The following FHIT variants were observed in gnomAD, a reference collection of about 807,000 sequenced individuals.
FHIT encodes the protein fragile histidine triad diadenosine triphosphatase.
Under a neutral mutation model 17.9 loss-of-function variants are expected in FHIT, and 19 were observed. The observed-to-expected ratio is 1.06, with a 90% CI of 0.74 to 1.56. The LOEUF (loss-of-function observed/expected upper bound fraction) is 1.56, where lower values mean the gene tolerates loss of function less well. Ranked by LOEUF, FHIT falls within the 40% of genes most tolerant of loss-of-function variation. The pLI is 0.00. For missense variants in FHIT, 248 were observed against 189.2 expected, an observed-to-expected ratio of 1.31 and a Z score of -1.82; for synonymous variants, 81 against 69.7, an observed-to-expected ratio of 1.16 and a Z score of -0.81.
At chr3:60,609,235 A>G (rs577183220) in intron 4 of FHIT, among the ~76,000 whole-genome samples, 1 of 152,178 alleles carries the variant, frequency 6.6e-6, no homozygotes, top group South Asian at 2.1e-4. Flanking sequence ...AAGTATGTCC[A>G]TCCAACAAAT....
At chr3:59,878,330 C>G (rs1021921763) in intron 8 of FHIT, among the ~76,000 whole-genome samples, 2 of 152,106 alleles carry the variant, frequency 1.3e-5, no homozygotes, top group Non-Finnish European at 2.9e-5. Context: ...AAGAGAAATT[C>G]ATATTTGACA....
chr3:61,119,369 C>T (rs1382752482), intron 2 of FHIT, among the ~76,000 whole-genome samples: 1 of 152,088 alleles, frequency 6.6e-6, no homozygotes, highest in South Asian at 2.1e-4. Context: ...AGCCACCATG[C>T]CCAGCTAATT....
intron 2 of FHIT, among the ~76,000 whole-genome samples, chr3:61,089,262 T>C (rs1282392022): frequency 6.6e-6 from 1 of 152,226 alleles, no homozygotes; most frequent in Non-Finnish European, 1.5e-5. Flanking sequence ...ATTTTAACCA[T>C]TTTTAAGTGT....
At chr3:60,241,103 G>C (rs375164647) in intron 5 of FHIT, among the ~76,000 whole-genome samples, 20 of 152,220 alleles carry the variant, frequency 1.3e-4, no homozygotes, top group African/African-American at 4.3e-4. Flanking sequence ...TAGGAAACGG[G>C]GGTGGAATGG....
intron 3 of FHIT, among the ~76,000 whole-genome samples, chr3:60,915,654 A>G (rs1177987515): frequency 6.6e-6 from 1 of 152,164 alleles, no homozygotes; most frequent in East Asian, 1.9e-4. Flanking sequence ...CCTCAATACT[A>G]GAAGTGTCAG....
At chr3:60,325,033 C>A (rs550464680) in intron 5 of FHIT, among the ~76,000 whole-genome samples, 1 of 152,016 alleles carries the variant, frequency 6.6e-6, no homozygotes, top group East Asian at 1.9e-4. Context: ...GCTAATATAT[C>A]CCTGGAATTT....
At chr3:61,138,486 C>T (rs560122034) in intron 2 of FHIT, among the ~76,000 whole-genome samples, 1 of 152,330 alleles carries the variant, frequency 6.6e-6, no homozygotes, top group African/African-American at 2.4e-5. Context: ...GAGCAAGGCT[C>T]GTATTTAAAA....
chr3:61,094,854 G>A (rs574421429), intron 2 of FHIT, among the ~76,000 whole-genome samples: 3 of 152,164 alleles, frequency 2.0e-5, no homozygotes, highest in South Asian at 2.1e-4. Context: ...ACAATGGAGC[G>A]AGACAGCATG....
chr3:59,964,556 A>T (rs1469851402), intron 7 of FHIT, among the ~76,000 whole-genome samples: 1 of 152,088 alleles, frequency 6.6e-6, no homozygotes, highest in Non-Finnish European at 1.5e-5. Context: ...CATCCACTAG[A>T]GGAAAAGTCT....
chr3:60,090,144 C>G (rs1056066789), intron 5 of FHIT, among the ~76,000 whole-genome samples: 3 of 152,116 alleles, frequency 2.0e-5, no homozygotes, highest in African/African-American at 4.8e-5. Flanking sequence ...CCCCCCACCC[C>G]ACGTACATCA....
chr3:60,493,783 G>T (rs1473144098), intron 5 of FHIT, among the ~76,000 whole-genome samples: 2 of 152,072 alleles, frequency 1.3e-5, no homozygotes, highest in Non-Finnish European at 2.9e-5. Context: ...TAAATACTTA[G>T]AATTGGATTT....
intron 2 of FHIT, among the ~76,000 whole-genome samples, chr3:61,172,525 A>G (rs1334993553): frequency 6.6e-6 from 1 of 152,180 alleles, no homozygotes; most frequent in East Asian, 1.9e-4. Flanking sequence ...GCATCTTTTA[A>G]CATCTTTTGA....
At chr3:60,467,276 T>C (rs2032851339) in intron 5 of FHIT, among the ~76,000 whole-genome samples, 1 of 151,992 alleles carries the variant, frequency 6.6e-6, no homozygotes, top group South Asian at 2.1e-4. Context: ...TCAATTTGAT[T>C]TCTTTTTTCA....
At chr3:61,199,309 A>T (rs1316077046) in intron 2 of FHIT, among the ~76,000 whole-genome samples, 1 of 152,226 alleles carries the variant, frequency 6.6e-6, no homozygotes, top group East Asian at 1.9e-4. Flanking sequence ...CATCACCACC[A>T]AATCCAATTA....
chr3:60,318,028 G>C (rs1025305117), intron 5 of FHIT, among the ~76,000 whole-genome samples: 4 of 152,068 alleles, frequency 2.6e-5, no homozygotes, highest in African/African-American at 9.7e-5. Flanking sequence ...CTCACCTCAA[G>C]TGATCCACCT....
chr3:60,732,171 G>C, intron 4 of FHIT: 1 of 783,664 alleles, frequency 1.3e-6, no homozygotes, highest in Non-Finnish European at 2.2e-6. Flanking sequence ...AGTCAGCAAT[G>C]GTGATCTTCT....
intron 2 of FHIT, among the ~76,000 whole-genome samples, chr3:61,186,691 C>A (rs2218088): frequency 0.22 from 33,862 of 152,182 alleles, 4,887 homozygotes; most frequent in East Asian, 0.71. Context: ...CACCATCTAA[C>A]CTTTTGTCAA....
At position 60,129,049 on chromosome 3, in the gene FHIT, G is replaced by GTTTTTT. The variant is rs1553692328; in HGVS notation, c.104-114898_104-114897insAAAAAA. On this transcript the variant is annotated intron_variant, in intron 5 of 9. Coordinates refer to ENST00000492590, the MANE Select transcript of FHIT (RefSeq NM_002012.4). ...TTTCCCTTTTCTTCTTTCCTTTTTT[G>GTTTTTT]TTTGTTTTTTTTTTTTTTTTTGAAA... Among the ~76,000 whole-genome samples the GTTTTTT allele has an allele frequency of 5.0e-4, 60 of 121,028 alleles. 1 individual carries two copies. Among genetic ancestry groups the GTTTTTT allele is most frequent in the Admixed American group, 9.7e-4 (11 of 11,334 alleles). 79.4% of individuals were successfully genotyped at this position (121,028 alleles called of 152,430 possible). A position where few individuals can be genotyped will look rare whatever the true frequency, so the allele number is the denominator to read the frequency against.
At chr3:60,407,182 A>G (rs1313403682) in intron 5 of FHIT, among the ~76,000 whole-genome samples, 1 of 149,056 alleles carries the variant, frequency 6.7e-6, no homozygotes, top group Admixed American at 6.8e-5. Context: ...CACACTACTG[A>G]CAATCATGGA....
Sources: gnomAD v4.1 joint callset for allele counts (sites outside exome capture counted in the v4.1 genomes callset) on GRCh38, gnomAD v4.1.1 for gene constraint, MANE v1.5 for transcripts, NCBI Gene and HGNC (gene_info 2026-07-23, HGNC 2026-07-21) for gene names.